The following MXI1 variants were observed in gnomAD, a reference collection of about 807,000 sequenced individuals.
MXI1 encodes max-interacting protein 1.
Under a neutral mutation model 36.9 loss-of-function variants are expected in MXI1, and 18 were observed. That is an observed-to-expected ratio of 0.49 (90% CI 0.34 to 0.72). The LOEUF is 0.72. MXI1 is among the 30% of genes least tolerant of loss of function. The pLI is 0.01. For missense variants in MXI1, 304 were observed against 379.1 expected (o/e 0.80, Z 1.64); for synonymous variants, 160 against 146.7 (o/e 1.09, Z -0.65).
In MXI1 at chr10:110,207,890, C is replaced by G. The variant is rs763497740; in HGVS notation, c.82C>G (p.Pro28Ala). ...LAPAAPPAVP[P>A]AVAAPQPPAL... ...CCCCGCCGCGCCCCCGGCTGTGCCC[C>G]CCGCCGTGGCCGCGCCCCAGCCCCC... The change falls in exon 1 of 6, where the codon CCC becomes GCC. Residue 28 changes from proline (P) to alanine (A), a missense_variant. Coordinates refer to ENST00000332674, the MANE Select transcript of MXI1 (RefSeq NM_130439.3). 1 of 1,363,402 alleles carries G rather than the reference C, an allele frequency of 7.3e-7. No individual in the cohort carries two copies. Among genetic ancestry groups the G allele is most frequent in the Non-Finnish European group, 9.5e-7 (1 of 1,050,118 alleles). The allele number at this position is 1,363,402 out of a possible 1,614,324, so 84.5% of individuals were successfully genotyped here.
At chr10:110,217,134 C>T (rs536628974) in intron 1 of MXI1, among the ~76,000 whole-genome samples, 1 of 152,254 alleles carries the variant, frequency 6.6e-6, no homozygotes, top group East Asian at 1.9e-4. Flanking sequence ...ATTGTCCACA[C>T]CAGCATTCCT....
intron 2 of MXI1, among the ~76,000 whole-genome samples, chr10:110,229,338 TG>T (rs1335333467): frequency 3.9e-5 from 6 of 152,222 alleles, no homozygotes; most frequent in African/African-American, 1.4e-4. Context: ...GAGCAATCCC[TG>T]GGTAACCAAA....
At chr10:110,237,768 G>C (rs1855523900) in intron 2 of MXI1, among the ~76,000 whole-genome samples, 1 of 152,120 alleles carries the variant, frequency 6.6e-6, no homozygotes, top group Non-Finnish European at 1.5e-5. Flanking sequence ...TATAACTCAG[G>C]AAAGTGCTAC....
chr10:110,237,287 T>C (rs1204284118), intron 2 of MXI1, among the ~76,000 whole-genome samples: 2 of 152,348 alleles, frequency 1.3e-5, no homozygotes, highest in Non-Finnish European at 1.5e-5. Flanking sequence ...CCTGATCTTA[T>C]GAAAAAATGC....
chr10:110,262,629 TTAAAG>T (rs1209287208), intron 3 of MXI1, among the ~76,000 whole-genome samples: 3 of 152,092 alleles, frequency 2.0e-5, no homozygotes, highest in Admixed American at 6.5e-5. Flanking sequence ...TTACAGTACT[TTAAAG>T]TAAGATTTTT....
In MXI1 at chr10:110,285,261, C is replaced by G. The variant is rs1857400439; in HGVS notation, c.*274C>G. On this transcript the variant is annotated 3_prime_UTR_variant, in exon 6 of 6. Transcript: ENST00000332674. ...CAGCAGAAAACTTGTGTGAAATTTT[C>G]TTGATTTGAGTTGATTGAGAAGAGG... 1 of 301,064 alleles carries G rather than the reference C, an allele frequency of 3.3e-6. No individual in the cohort carries two copies. Among genetic ancestry groups the G allele is most frequent in the Non-Finnish European group, 6.1e-6 (1 of 164,264 alleles). 18.6% of individuals were successfully genotyped at this position (301,064 alleles called of 1,614,324 possible). A position where few individuals can be genotyped will look rare whatever the true frequency, so the allele number is the denominator to read the frequency against.
chr10:110,283,943 A>C (rs1214725655), intron 5 of MXI1, among the ~76,000 whole-genome samples: 1 of 147,346 alleles, frequency 6.8e-6, no homozygotes, highest in Admixed American at 6.7e-5. Context: ...CACTATACCC[A>C]GCTAATTTTT....
At chr10:110,226,149 G>C in intron 1 of MXI1, 1 of 1,357,564 alleles carries the variant, frequency 7.4e-7, no homozygotes, top group Non-Finnish European at 9.5e-7. Flanking sequence ...AGCCGCCTGC[G>C]GCGCCTCCTG....
chr10:110,210,391 G>C (rs1030786282), intron 1 of MXI1: 3 of 593,556 alleles, frequency 5.1e-6, no homozygotes, highest in Admixed American at 1.3e-4. Flanking sequence ...TAGCTCTCTT[G>C]CTTCTTTTCG....
At chr10:110,284,628 C>T (rs187384204) in intron 5 of MXI1, among the ~76,000 whole-genome samples, 196 bp from the exon 6 acceptor site, 3 of 152,268 alleles carry the variant, frequency 2.0e-5, no homozygotes, top group African/African-American at 7.2e-5. Flanking sequence ...AAATTAAGAC[C>T]ACCACTGTAT....
intron 3 of MXI1, among the ~76,000 whole-genome samples, chr10:110,251,794 G>A (rs1415355727): frequency 1.3e-5 from 2 of 152,124 alleles, no homozygotes; most frequent in Non-Finnish European, 2.9e-5. Context: ...TAGAGCCATG[G>A]AAGCAGGAAT....
At chr10:110,238,792 T>C (rs981239303) in intron 2 of MXI1, among the ~76,000 whole-genome samples, 8 of 152,134 alleles carry the variant, frequency 5.3e-5, no homozygotes, top group African/African-American at 9.7e-5. Flanking sequence ...GTTTTGATCA[T>C]TTGTATCTTT....
At chr10:110,275,124 C>T (rs1391183085) in intron 3 of MXI1, among the ~76,000 whole-genome samples, 1 of 151,900 alleles carries the variant, frequency 6.6e-6, no homozygotes, top group Non-Finnish European at 1.5e-5. Context: ...ATCCACCCAC[C>T]TCGGCCTCCC....
At chr10:110,208,420 C>CTTT (rs769093791) in intron 1 of MXI1, 85 of 133,854 alleles carry the variant, frequency 6.4e-4, no homozygotes, top group African/African-American at 2.0e-3. Context: ...GCTTTTCTTC[C>CTTT]TTTTTTTTTT....
rs367805382 is a variant in MXI1 at position 110,277,572 on chromosome 10, G to C, written c.438-1608G>C. 6.4e-4 allele frequency among the ~76,000 whole-genome samples: 98 copies of C among 152,272 alleles called. 1 individual carries two copies. In the South Asian group the frequency reaches 0.019, roughly 30 times the overall value. ...TCTATGCATTTGGGTAGTACAGCAG[G>C]GGAGGAAAGTGACTTTGAAGTTGTT... On this transcript the variant is annotated intron_variant, in intron 3 of 5. Coordinates refer to ENST00000332674, the MANE Select transcript of MXI1 (RefSeq NM_130439.3).
chr10:110,222,455 A>G (rs1481982504), intron 1 of MXI1, among the ~76,000 whole-genome samples: 3 of 152,242 alleles, frequency 2.0e-5, no homozygotes, highest in Non-Finnish European at 4.4e-5. Flanking sequence ...TCTGCAATAA[A>G]TCACTTGGAA....
chr10:110,237,137 G>A (rs1855503319), intron 2 of MXI1, among the ~76,000 whole-genome samples: 1 of 150,580 alleles, frequency 6.6e-6, no homozygotes, highest in South Asian at 2.1e-4. Context: ...TAAATAGACA[G>A]TAATGTTGTT....
At chr10:110,216,791 C>T (rs749116750) in intron 1 of MXI1, among the ~76,000 whole-genome samples, 17 of 150,826 alleles carry the variant, frequency 1.1e-4, no homozygotes, top group Non-Finnish European at 2.2e-4. Flanking sequence ...CTCAGCCTCC[C>T]GAGTAGCTGG....
At position 110,209,338 on chromosome 10, in the gene MXI1, TGAGA is replaced by T. The variant is rs764550489; in HGVS notation, c.274+1265_274+1268del. ...GTGTGTACGTGTGCGCGTGTGTGTG[TGAGA>T]GAGAGAGAAAGAAAGAAGAAAGGTC... On this transcript the variant is annotated intron_variant, in intron 1 of 5. Transcript: ENST00000332674. Among the ~76,000 whole-genome samples, 800 of 151,942 alleles carry T rather than the reference TGAGA, an allele frequency of 5.3e-3. 3 individuals carry two copies. The highest frequency in any genetic ancestry group is 0.015 in the African/African-American group (629 of 41,410).
Sources: allele counts gnomAD v4.1 joint callset (sites outside exome capture counted in the v4.1 genomes callset), GRCh38; gene constraint gnomAD v4.1.1; transcripts MANE v1.5; gene names NCBI Gene and HGNC (gene_info 2026-07-23, HGNC 2026-07-21).